CACNA2D4: variants seen among roughly 807,000 people sequenced by gnomAD.
CACNA2D4 encodes the protein calcium voltage-gated channel auxiliary subunit alpha2delta 4.
In CACNA2D4, 157 loss-of-function variants were observed where a neutral mutation model predicts 163.8. The observed-to-expected ratio is 0.96, with a 90% CI of 0.84 to 1.09. The LOEUF (loss-of-function observed/expected upper bound fraction) is 1.09. Ranked by LOEUF, CACNA2D4 falls within the 50% of genes least tolerant of loss-of-function variation. The pLI is 0.00. For synonymous variants in CACNA2D4, 598 were observed against 586.9 expected, an observed-to-expected ratio of 1.02 and a Z score of -0.27; for missense variants, 1,410 against 1,479.9, an observed-to-expected ratio of 0.95 and a Z score of 0.78.
rs1863198847 is a variant in CACNA2D4, at chr12:1,798,346, G to T, written c.2996-811C>A. ...GCCCCCAGGGATAGACCTAGAGGCA[G>T]GGAGCACAGGTGTGAGCTACCTTCC... On this transcript the variant is annotated intron_variant, in intron 34 of 37. Coordinates refer to ENST00000382722, the MANE Select transcript of CACNA2D4 (RefSeq NM_172364.5). The surrounding 1 kb of genome is among the most constrained non-coding windows in gnomAD (Gnocchi z 4.3). Among the ~76,000 whole-genome samples the T allele has an allele frequency of 6.6e-6, 1 of 152,180 alleles. No individual in the cohort carries two copies. Among genetic ancestry groups the T allele is most frequent in the Non-Finnish European group, 1.5e-5 (1 of 68,016 alleles).
chr12:1,834,800 C>A lies in CACNA2D4; in HGVS notation c.2551+5939G>T. On this transcript the variant is annotated intron_variant, in intron 26 of 37. Coordinates refer to ENST00000382722, the MANE Select transcript of CACNA2D4 (RefSeq NM_172364.5). This position sits in a 1 kb window ranked among gnomAD's most constrained non-coding sequence, Gnocchi z 7.6. ...CTCAGCCACAGCTCCCACCTTGACC[C>A]GGCGCTGGCCACTGCCTCCCCGAGT... 6.8e-7 allele frequency: 1 copy of A among 1,475,672 alleles called. No individual in the cohort carries two copies. Among genetic ancestry groups the A allele is most frequent in the East Asian group, 2.4e-5 (1 of 42,370 alleles). 91.4% of individuals were successfully genotyped at this position (1,475,672 alleles called of 1,614,324 possible).
intron 29 of CACNA2D4, among the ~76,000 whole-genome samples, chr12:1,805,434 C>T (rs542857171): frequency 2.6e-5 from 4 of 152,268 alleles, no homozygotes; most frequent in Admixed American, 6.5e-5. Context: ...GGACAGCCTC[C>T]GTTTCTTCTC....
chr12:1,822,419 C>T (rs546051815), intron 26 of CACNA2D4, among the ~76,000 whole-genome samples: 2 of 152,202 alleles, frequency 1.3e-5, no homozygotes, highest in African/African-American at 4.8e-5. Flanking sequence ...CTTTTTCCCC[C>T]AGCCAAGCCT....
At position 1,802,122 on chromosome 12, in the gene CACNA2D4, C is replaced by T. The variant is rs146059425; in HGVS notation, c.2722-478G>A. On this transcript the variant is annotated intron_variant, in intron 29 of 37. Coordinates refer to ENST00000382722, the MANE Select transcript of CACNA2D4 (RefSeq NM_172364.5). The surrounding 1 kb of genome is among the most constrained non-coding windows in gnomAD (Gnocchi z 4.7). ...TCAGAAGCAGCGCCTGTCTCATGCA[C>T]GCTGGTGTCCTCATCTTCCCAGTGT... Among the ~76,000 whole-genome samples, 140 of 151,984 alleles carry T rather than the reference C, an allele frequency of 9.2e-4. 1 individual carries two copies. Among genetic ancestry groups the T allele is most frequent in the South Asian group, 7.1e-3 (34 of 4,806 alleles).
chr12:1,842,889 G>A (rs562950431), intron 25 of CACNA2D4, among the ~76,000 whole-genome samples: 1 of 152,222 alleles, frequency 6.6e-6, no homozygotes, highest in East Asian at 1.9e-4. Flanking sequence ...CTTCCTGCTG[G>A]GCTTGCACTG....
intron 18 of CACNA2D4, among the ~76,000 whole-genome samples, chr12:1,860,998 G>A (rs971256342): frequency 1.3e-5 from 2 of 152,336 alleles, no homozygotes; most frequent in African/African-American, 4.8e-5. Flanking sequence ...TCTTGCACGA[G>A]GCTGCCGTGA....
At chr12:1,876,999 A>G (rs1865896518) in intron 16 of CACNA2D4, among the ~76,000 whole-genome samples, 1 of 152,196 alleles carries the variant, frequency 6.6e-6, no homozygotes, top group Admixed American at 6.5e-5. Context: ...TTCAAACGTA[A>G]CTATTGTTTT....
intron 6 of CACNA2D4, among the ~76,000 whole-genome samples, chr12:1,902,463 A>G (rs1022390226): frequency 6.6e-6 from 1 of 152,070 alleles, no homozygotes; most frequent in African/African-American, 2.4e-5. Context: ...ATATTAGGAA[A>G]ACCTAAAGAC....
At chr12:1,817,896 C>G (rs1214323224) in intron 26 of CACNA2D4, among the ~76,000 whole-genome samples, 2 of 152,004 alleles carry the variant, frequency 1.3e-5, no homozygotes, top group African/African-American at 4.8e-5. Context: ...AGCCTCTGCC[C>G]GGCCACCACC....
chr12:1,910,976 C>T (rs1866799186), intron 3 of CACNA2D4, among the ~76,000 whole-genome samples: 1 of 150,778 alleles, frequency 6.6e-6, no homozygotes, highest in African/African-American at 2.4e-5. Context: ...AAATTATACA[C>T]TTTAAATGGT....
rs150664609 is a variant in CACNA2D4 at position 1,862,096 on chromosome 12, C to T, written c.1879-1890G>A. Among the ~76,000 whole-genome samples, 723 of 152,366 alleles carry T rather than the reference C, an allele frequency of 4.7e-3. 7 individuals carry two copies. The highest frequency in any genetic ancestry group is 8.6e-3 in the Non-Finnish European group (582 of 68,038). On this transcript the variant is annotated intron_variant, in intron 18 of 37. Transcript: ENST00000382722. ...GCTGAGTAGTATCGCAGTGTGTGGA[C>T]ACGGCCCAGTATGCTTCTACGCTCA...
chr12:1,797,166 A>G (rs1348072743), intron 35 of CACNA2D4, among the ~76,000 whole-genome samples: 1 of 152,002 alleles, frequency 6.6e-6, no homozygotes, highest in Non-Finnish European at 1.5e-5. Context: ...AGGCCTCGGG[A>G]CCACCTCTCC....
At chr12:1,860,342 C>T (rs1865497556) in intron 18 of CACNA2D4, 136 bp from the exon 19 acceptor site, 2 of 668,898 alleles carry the variant, frequency 3.0e-6, no homozygotes, top group South Asian at 3.3e-5. Flanking sequence ...CTGACCAGCC[C>T]CTACACACCT....
rs769655150 is a variant in CACNA2D4, at chr12:1,853,945, A to G, written c.2246+6T>C. 1 of 1,610,334 alleles carries G rather than the reference A, an allele frequency of 6.2e-7. No homozygotes were observed. The highest frequency in any genetic ancestry group is 8.5e-7 in the Non-Finnish European group (1 of 1,177,434). On this transcript the variant is annotated splice_donor_region_variant and intron_variant, in intron 23 of 37. Transcript: ENST00000382722. Reference sequence around the variant, plus strand: ...GGGGCCTGGGAACCTGGGAACCTGGACCTACTCGGACATGTTGAGGGCCAG... The same window carrying G: ...GGGGCCTGGGAACCTGGGAACCTGGGCCTACTCGGACATGTTGAGGGCCAG...
chr12:1,798,621 C>T lies in CACNA2D4; in HGVS notation c.2995+1054G>A, dbSNP rs767806479. 1.3e-5 allele frequency among the ~76,000 whole-genome samples: 2 copies of T among 152,148 alleles called. No homozygotes were observed. The highest frequency in any genetic ancestry group is 2.4e-5 in the African/African-American group (1 of 41,426). On this transcript the variant is annotated intron_variant, in intron 34 of 37. Transcript: ENST00000382722. This position sits in a 1 kb window ranked among gnomAD's most constrained non-coding sequence, Gnocchi z 4.3. ...GCAGTGGAAGGGGCTGCAGCACCTA[C>T]GCCCCGGCCTGGGACTCCAAGTCCA...
intron 29 of CACNA2D4, among the ~76,000 whole-genome samples, chr12:1,803,206 A>G (rs1040682423): frequency 6.6e-6 from 1 of 152,262 alleles, no homozygotes; most frequent in African/African-American, 2.4e-5. Flanking sequence ...TGGGCAGCCA[A>G]GTAGACTCCA....
At chr12:1,836,859 G>A (rs1864878827) in intron 26 of CACNA2D4, 1 of 152,610 alleles carries the variant, frequency 6.6e-6, no homozygotes, top group South Asian at 2.1e-4. Context: ...CCATGATCCT[G>A]ATGCGTAGAG....
At position 1,802,265 on chromosome 12, in the gene CACNA2D4, C is replaced by A. The variant is rs1863365156; in HGVS notation, c.2722-621G>T. Among the ~76,000 whole-genome samples the A allele has an allele frequency of 6.6e-6, 1 of 152,154 alleles. No homozygotes were observed. The highest frequency in any genetic ancestry group is 2.4e-5 in the African/African-American group (1 of 41,422). On this transcript the variant is annotated intron_variant, in intron 29 of 37. Transcript: ENST00000382722. This position sits in a 1 kb window ranked among gnomAD's most constrained non-coding sequence, Gnocchi z 4.7. The stretch of plus-strand genomic sequence containing the variant: ...CCTAACCGGATCCCTTGCCCTGTCT[C>A]CATTGCCCACCTGCCCTCCTAACTG...
At chr12:1,800,997 G>A in intron 31 of CACNA2D4, 46 bp downstream of exon 31, 7 of 1,566,504 alleles carry the variant, frequency 4.5e-6, no homozygotes, top group Non-Finnish European at 6.1e-6. Context: ...ACAGGGCAGA[G>A]GACTGGCTGG....
Sources: gnomAD v4.1 joint callset for allele counts (sites outside exome capture counted in the v4.1 genomes callset) on GRCh38, gnomAD v4.1.1 for gene constraint, Gnocchi (gnomAD v3.1) non-coding constraint, MANE v1.5 for transcripts, NCBI Gene and HGNC (gene_info 2026-07-23, HGNC 2026-07-21) for gene names.